The following ADAM28 variants were observed in gnomAD, a reference collection of about 807,000 sequenced individuals.
ADAM28 encodes ADAM metallopeptidase domain 28.
ADAM28 carries 105 observed loss-of-function variants against 101.2 expected under a neutral mutation model. The ratio of observed to expected loss-of-function variants is 1.04; its 90% CI spans 0.89 to 1.22. The LOEUF is 1.22. Ranked by LOEUF, ADAM28 falls within the 50% of genes most tolerant of loss-of-function variation. ADAM28 has a pLI of 0.00. For synonymous variants in ADAM28, 322 were observed against 310.6 expected, an observed-to-expected ratio of 1.04 and a Z score of -0.39; for missense variants, 1,028 against 945.4, an observed-to-expected ratio of 1.09 and a Z score of -1.15.
At chr8:24,345,028 C>CAA (rs199510483) in intron 18 of ADAM28, among the ~76,000 whole-genome samples, 3 of 126,820 alleles carry the variant, frequency 2.4e-5, no homozygotes, top group African/African-American at 5.6e-5. Context: ...TATTTAATGT[C>CAA]AAAAAAAAAA....
chr8:24,349,861 C>T lies in ADAM28; in HGVS notation c.1991-3C>T, dbSNP rs1289949710. 3 of 1,613,230 alleles carry T rather than the reference C, an allele frequency of 1.9e-6. No individual in the cohort carries two copies. The highest frequency in any genetic ancestry group is 2.7e-5 in the African/African-American group (2 of 74,962). ...CTCAGCGGGCCCCTGTTCTCTGCTG[C>T]AGACTTCTCCATTGTGGTTGGGGTG... On this transcript the variant is annotated splice_polypyrimidine_tract_variant and splice_region_variant and intron_variant, in intron 18 of 22. Transcript: ENST00000265769.
chr8:24,332,536 G>T, intron 12 of ADAM28, 124 bp from the exon 13 acceptor site: 1 of 439,240 alleles, frequency 2.3e-6, no homozygotes, highest in Non-Finnish European at 4.0e-6. Flanking sequence ...TATATTTTTT[G>T]AAAAAGTCCT....
intron 14 of ADAM28, among the ~76,000 whole-genome samples, chr8:24,339,089 C>T (rs1814443662): frequency 1.3e-5 from 2 of 152,030 alleles, no homozygotes; most frequent in Non-Finnish European, 2.9e-5. Context: ...CCCATGTTCA[C>T]ACAGTTACTC....
At chr8:24,333,800 A>G (rs530814028) in intron 13 of ADAM28, among the ~76,000 whole-genome samples, 2 of 152,070 alleles carry the variant, frequency 1.3e-5, no homozygotes, top group African/African-American at 4.8e-5. Context: ...GCTTTTCTGA[A>G]TTGTCCTTCA....
chr8:24,300,968 C>G (rs1458499988), intron 2 of ADAM28: 1 of 152,116 alleles, frequency 6.6e-6, no homozygotes, highest in Non-Finnish European at 1.5e-5. Context: ...AACATTTACT[C>G]AATAAACATT....
intron 16 of ADAM28, among the ~76,000 whole-genome samples, chr8:24,341,987 A>T (rs1006550178): frequency 6.6e-6 from 1 of 152,172 alleles, no homozygotes; most frequent in Non-Finnish European, 1.5e-5. Context: ...ACTGTGGTGA[A>T]ATTTGGAAAT....
intron 5 of ADAM28, among the ~76,000 whole-genome samples, chr8:24,313,088 G>A (rs2129271163): frequency 1.3e-5 from 2 of 152,192 alleles, no homozygotes; most frequent in Middle Eastern, 6.8e-3. Context: ...ATTAAAATTG[G>A]AAGAATGCTG....
At chr8:24,314,555 G>C (rs372559319) in intron 6 of ADAM28, among the ~76,000 whole-genome samples, 4 of 151,958 alleles carry the variant, frequency 2.6e-5, no homozygotes, top group Non-Finnish European at 4.4e-5. Context: ...TGAGCAAAGG[G>C]TATAATTGGT....
At chr8:24,348,348 C>T (rs1427080572) in intron 18 of ADAM28, among the ~76,000 whole-genome samples, 2 of 152,172 alleles carry the variant, frequency 1.3e-5, no homozygotes, top group African/African-American at 2.4e-5. Context: ...TCACCATCAA[C>T]ATCCCCCATT....
intron 9 of ADAM28, among the ~76,000 whole-genome samples, chr8:24,325,737 T>C (rs1368683129): frequency 6.6e-6 from 1 of 151,362 alleles, no homozygotes; most frequent in Non-Finnish European, 1.5e-5. Context: ...TAAAACTCTC[T>C]ATTTTTAGTA....
At chr8:24,351,583 C>T (rs1455741763) in intron 20 of ADAM28, 1 of 525,872 alleles carries the variant, frequency 1.9e-6, no homozygotes, top group Admixed American at 3.1e-5. Context: ...GCTTCATTCT[C>T]TCTCCCTCTC....
chr8:24,329,129 A>G lies in ADAM28; in HGVS notation c.973-856A>G, dbSNP rs184495313. Among the ~76,000 whole-genome samples the G allele has an allele frequency of 1.3e-3, 205 of 152,104 alleles. 3 individuals carry two copies. The highest frequency in any genetic ancestry group is 4.7e-3 in the African/African-American group (196 of 41,514). On this transcript the variant is annotated intron_variant, in intron 10 of 22. Coordinates refer to ENST00000265769, the MANE Select transcript of ADAM28 (RefSeq NM_014265.6). ...GCTTGCATTTTTCCCCATTTGGAGCACTCCATATTTCTATATAGGAGGTTT... is the reference window on the plus strand; with the variant it reads ...GCTTGCATTTTTCCCCATTTGGAGCGCTCCATATTTCTATATAGGAGGTTT...
intron 8 of ADAM28, 103 bp from the exon 9 acceptor site, chr8:24,323,731 A>G: frequency 8.5e-7 from 1 of 1,179,170 alleles, no homozygotes; most frequent in Non-Finnish European, 1.2e-6. Flanking sequence ...TAAGGTTTTT[A>G]TACTGCTGTG....
In ADAM28 at chr8:24,343,595, T is replaced by C; in HGVS notation, c.1990+11T>C. The C allele has an allele frequency of 6.2e-7, 1 of 1,613,230 alleles. No individual in the cohort carries two copies. The highest frequency in any genetic ancestry group is 1.3e-5 in the African/African-American group (1 of 74,992). On this transcript the variant is annotated intron_variant, in intron 18 of 22. Coordinates refer to ENST00000265769, the MANE Select transcript of ADAM28 (RefSeq NM_014265.6). ...CCTCAGTGGTCTTCCGTAGGTAACA[T>C]TACACATCTAACCTGAGAAAATTGC...
At chr8:24,339,418 A>C (rs1405132873) in intron 14 of ADAM28, 48 bp from the exon 15 acceptor site, 1 of 1,416,992 alleles carries the variant, frequency 7.1e-7, no homozygotes, top group South Asian at 1.2e-5. Flanking sequence ...TATCTCTTGA[A>C]TCTCAAAAAT....
intron 11 of ADAM28, 135 bp from the exon 12 acceptor site, chr8:24,331,015 G>C (rs987613579): frequency 3.8e-6 from 3 of 787,356 alleles, no homozygotes; most frequent in Admixed American, 5.9e-5. Context: ...ATGAGCTCAC[G>C]ATCTGGCAGT....
intron 19 of ADAM28, among the ~76,000 whole-genome samples, chr8:24,350,877 T>TAG (rs781139500): frequency 7.2e-6 from 1 of 139,160 alleles, no homozygotes; most frequent in Non-Finnish European, 1.5e-5. Context: ...TTTTTTTTTT[T>TAG]TTTTTTTTTT....
rs925416598 is a variant in ADAM28 at position 24,311,425 on chromosome 8, G to T, written c.371G>T (p.Cys124Phe). Residue 124 changes from cysteine (C) to phenylalanine (F), a missense_variant, in exon 5 of 23, where the codon TGT becomes TTT. By Grantham distance (205) the Cys-to-Phe change is radical. Transcript: ENST00000265769. The part of the protein sequence containing the change: ...EKVSDASIST[C>F]RGLRGYFSQG... ...GTTTCTGACGCTAGCATCAGCACAT[G>T]TAGGGGTCTAAGGTAAGACTTCAGG... 6.2e-7 allele frequency: 1 copy of T among 1,612,996 alleles called. No individual in the cohort carries two copies.
chr8:24,303,045 C>G (rs1164221432), intron 2 of ADAM28, among the ~76,000 whole-genome samples: 1 of 151,264 alleles, frequency 6.6e-6, no homozygotes, highest in Non-Finnish European at 1.5e-5. Context: ...CATATTTGAC[C>G]TTTGTCAGAT....
Sources: gnomAD v4.1 joint callset for allele counts (sites outside exome capture counted in the v4.1 genomes callset) on GRCh38, gnomAD v4.1.1 for gene constraint, MANE v1.5 for transcripts, NCBI Gene and HGNC (gene_info 2026-07-23, HGNC 2026-07-21) for gene names.